ABCC1: variants seen among roughly 807,000 people sequenced by gnomAD.
The protein encoded by ABCC1 is ATP binding cassette subfamily C member 1 (ABCC1 blood group).
Under a neutral mutation model 172.9 loss-of-function variants are expected in ABCC1, and 83 were observed. That is an observed-to-expected ratio of 0.48 (90% CI 0.40 to 0.58). The LOEUF (loss-of-function observed/expected upper bound fraction) is 0.58. Ranked by LOEUF, ABCC1 falls within the 20% of genes least tolerant of loss-of-function variation. The probability of loss-of-function intolerance (pLI) is 0.00; values close to 1 mark genes in which losing one functional copy is unlikely to be tolerated. For synonymous variants in ABCC1, 937 were observed against 825.2 expected (o/e 1.14, Z -2.32); for missense variants, 1,817 against 2,002.7 (o/e 0.91, Z 1.77).
intron 1 of ABCC1, among the ~76,000 whole-genome samples, chr16:15,998,319 G>T (rs941653896): frequency 1.7e-4 from 26 of 151,932 alleles, no homozygotes; most frequent in African/African-American, 6.0e-4. Flanking sequence ...TGAAGACAGG[G>T]TCTTACTTTG....
At chr16:16,120,870 G>A (rs1488667571) in intron 23 of ABCC1, among the ~76,000 whole-genome samples, 1 of 152,088 alleles carries the variant, frequency 6.6e-6, no homozygotes. Context: ...TGCTGGAACC[G>A]GCCATTGCAT....
chr16:16,048,179 C>T lies in ABCC1; in HGVS notation c.1256C>T (p.Thr419Met), dbSNP rs767532075. 6.8e-6 allele frequency: 11 copies of T among 1,614,074 alleles called. No homozygotes were observed. Among genetic ancestry groups the T allele is most frequent in the South Asian group, 2.2e-5 (2 of 91,086 alleles). The change falls in exon 10 of 31, where the codon ACG becomes ATG. Residue 419 changes from threonine (T) to methionine (M), a missense_variant. By Grantham distance (81) the Thr-to-Met change is moderately conservative. This residue lies in a region of ABCC1 where 1,412 missense variants were observed against 1,600.3 expected (regional missense o/e 0.88). Transcript: ENST00000399410. ...VITNSARKSS[T>M]VGEIVNLMSV... is the part of the protein sequence containing the mutation. ...ACCAATTCAGCCAGAAAATCCTCCA[C>T]GGTCGGGGAGATTGTCAACCTCATG...
chr16:16,124,315 C>CTGTG lies in ABCC1; in HGVS notation c.3591-443_3591-440dup, dbSNP rs11270322. On this transcript the variant is annotated intron_variant, in intron 24 of 30. Coordinates refer to ENST00000399410, the MANE Select transcript of ABCC1 (RefSeq NM_004996.4). Reference sequence around the variant, plus strand: ...ACATCTTTTTGTTGTTGTTAATGCACTGTGTGTGTGTGTGTGTGTGTGTGT... The same window carrying CTGTG: ...ACATCTTTTTGTTGTTGTTAATGCACTGTGTGTGTGTGTGTGTGTGTGTGTGTGT... Among the ~76,000 whole-genome samples, 36 of 36,800 alleles carry CTGTG rather than the reference C, an allele frequency of 9.8e-4. 1 individual carries two copies. The highest frequency in any genetic ancestry group is 2.7e-3 in the African/African-American group (31 of 11,432). The allele number at this position is 36,800 out of a possible 152,430, so 24.1% of individuals were successfully genotyped here.
At chr16:16,094,990 G>A (rs1319463214) in intron 19 of ABCC1, 1 of 151,730 alleles carries the variant, frequency 6.6e-6, no homozygotes, top group Admixed American at 6.6e-5. Flanking sequence ...GCTAATTTTT[G>A]TATTTTTAGT....
intron 5 of ABCC1, among the ~76,000 whole-genome samples, chr16:16,026,564 A>T (rs553359702): frequency 7.1e-6 from 1 of 141,072 alleles, no homozygotes; most frequent in East Asian, 2.1e-4. Flanking sequence ...GTTTAGATCC[A>T]TAGAAGAGAG....
At chr16:16,042,803 C>A (rs1184538492) in intron 7 of ABCC1, among the ~76,000 whole-genome samples, 7 of 152,162 alleles carry the variant, frequency 4.6e-5, no homozygotes, top group Non-Finnish European at 1.0e-4. Flanking sequence ...GCAGAACATA[C>A]AATTCACTGA....
At chr16:16,078,732 A>C (rs947419239) in intron 15 of ABCC1, among the ~76,000 whole-genome samples, 5 of 152,140 alleles carry the variant, frequency 3.3e-5, no homozygotes, top group Non-Finnish European at 2.9e-5. Context: ...ATCGGAGTGC[A>C]GTGGCACGAT....
chr16:16,102,538 C>T, intron 19 of ABCC1, 89 bp from the exon 20 acceptor site: 1 of 1,212,434 alleles, frequency 8.2e-7, no homozygotes, highest in Non-Finnish European at 1.2e-6. Flanking sequence ...TCTGTGGTCT[C>T]CTCACTGAAG....
intron 19 of ABCC1, among the ~76,000 whole-genome samples, chr16:16,096,723 C>A (rs2051496424): frequency 6.6e-6 from 1 of 152,170 alleles, no homozygotes; most frequent in Admixed American, 6.6e-5. Context: ...CCAGAACCTT[C>A]TTGAGTAAAG....
intron 1 of ABCC1, among the ~76,000 whole-genome samples, chr16:15,961,824 G>A (rs2046140257): frequency 6.8e-6 from 1 of 147,100 alleles, no homozygotes; most frequent in Non-Finnish European, 1.5e-5. Context: ...TTAAATGGCT[G>A]AGCCATGTAT....
At chr16:16,060,084 G>T (rs1198301509) in intron 12 of ABCC1, among the ~76,000 whole-genome samples, 1 of 152,154 alleles carries the variant, frequency 6.6e-6, no homozygotes, top group African/African-American at 2.4e-5. Flanking sequence ...AGCCATCCTT[G>T]TTGGCCAGCC....
intron 18 of ABCC1, among the ~76,000 whole-genome samples, chr16:16,089,373 C>A (rs563341995): frequency 6.6e-6 from 1 of 151,722 alleles, no homozygotes; most frequent in Non-Finnish European, 1.5e-5. Context: ...ATGATGAGAC[C>A]CCTGTCTTGA....
intron 28 of ABCC1, among the ~76,000 whole-genome samples, chr16:16,134,931 C>T (rs1410331949): frequency 6.6e-6 from 1 of 152,148 alleles, no homozygotes; most frequent in Non-Finnish European, 1.5e-5. Context: ...CATGAGGCAC[C>T]GTGGCTGGCC....
intron 1 of ABCC1, among the ~76,000 whole-genome samples, chr16:15,978,894 A>G (rs2046553921): frequency 6.6e-6 from 1 of 152,264 alleles, no homozygotes; most frequent in East Asian, 1.9e-4. Context: ...GATACACGGG[A>G]CAGACGTATC....
intron 27 of ABCC1, 99 bp downstream of exon 27, chr16:16,132,034 G>C: frequency 4.8e-6 from 7 of 1,450,906 alleles, no homozygotes; most frequent in Non-Finnish European, 6.6e-6. Flanking sequence ...AGTCACTCAC[G>C]GCTCCACACC....
chr16:16,059,098 C>T (rs1034246975), intron 12 of ABCC1, among the ~76,000 whole-genome samples: 2 of 152,162 alleles, frequency 1.3e-5, no homozygotes, highest in Admixed American at 6.5e-5. Context: ...TGTAGAGACA[C>T]CGGAGTGGAT....
Position 16,106,758 on chromosome 16 carries a change from C to A in ABCC1, c.2756C>A (p.Ser919Tyr). 6.2e-7 allele frequency: 1 copy of A among 1,614,064 alleles called. No individual in the cohort carries two copies. The highest frequency in any genetic ancestry group is 8.5e-7 in the Non-Finnish European group (1 of 1,180,030). The change falls in exon 21 of 31, where the codon TCC becomes TAC. Residue 919 changes from serine to tyrosine, a missense_variant. Around this residue, in one of 3 missense-constraint regions of ABCC1, gnomAD observed 1,412 missense variants for 1,600.3 expected, o/e 0.88. Transcript: ENST00000399410. ...QLQRQLSSSS[S>Y]YSGDISRHHN... ...TCCAGACAGCTCAGCAGCTCCTCCT[C>A]CTATAGTGGGGACATCAGCAGGCAC...
At chr16:16,020,338 T>A (rs951836811) in intron 5 of ABCC1, among the ~76,000 whole-genome samples, 3 of 152,164 alleles carry the variant, frequency 2.0e-5, no homozygotes, top group Admixed American at 2.0e-4. Flanking sequence ...TGGCTGACAC[T>A]CTCTGTCCAG....
chr16:16,141,082 C>A, intron 30 of ABCC1, 91 bp from the exon 31 acceptor site: 2 of 1,117,542 alleles, frequency 1.8e-6, no homozygotes, highest in Non-Finnish European at 2.7e-6. Flanking sequence ...GGGCCTGACC[C>A]GAAGCAGTGA....
Sources: allele counts gnomAD v4.1 joint callset (sites outside exome capture counted in the v4.1 genomes callset), GRCh38; gene constraint gnomAD v4.1.1; regional missense constraint gnomAD v4.1.1; transcripts MANE v1.5; gene names NCBI Gene and HGNC (gene_info 2026-07-23, HGNC 2026-07-21).